NAA40: variants seen among roughly 807,000 people sequenced by gnomAD.
NAA40 encodes N-alpha-acetyltransferase 40, NatD catalytic subunit.
In NAA40, 26 loss-of-function variants were observed where a neutral mutation model predicts 36.6. The ratio of observed to expected loss-of-function variants is 0.71; its 90% CI spans 0.52 to 0.98. The LOEUF (loss-of-function observed/expected upper bound fraction) is 0.98. Among genes scored for constraint, NAA40 ranks in the 50% least tolerant of loss-of-function variants. The pLI is 0.00. For missense variants in NAA40, 237 were observed against 306.5 expected (o/e 0.77, Z 1.69); for synonymous variants, 129 against 108.4 (o/e 1.19, Z -1.18).
intron 3 of NAA40, among the ~76,000 whole-genome samples, chr11:63,948,965 G>T (rs1195720589): frequency 1.3e-5 from 2 of 152,070 alleles, no homozygotes; most frequent in Non-Finnish European, 2.9e-5. Flanking sequence ...AGGATCGTTT[G>T]TGCCCAGGAG....
intron 1 of NAA40, among the ~76,000 whole-genome samples, chr11:63,940,276 C>T (rs1454514617): frequency 6.6e-6 from 1 of 152,082 alleles, no homozygotes; most frequent in East Asian, 1.9e-4. Context: ...GTCTCGAACT[C>T]CTGACCTCGT....
chr11:63,944,035 T>A (rs1213469977), intron 1 of NAA40, among the ~76,000 whole-genome samples: 2 of 152,178 alleles, frequency 1.3e-5, no homozygotes, highest in Admixed American at 1.3e-4. Context: ...TCCACAGCGC[T>A]CAGCCATGAG....
At chr11:63,943,710 CA>C (rs1337684337) in intron 1 of NAA40, among the ~76,000 whole-genome samples, 2 of 152,040 alleles carry the variant, frequency 1.3e-5, no homozygotes, top group Non-Finnish European at 2.9e-5. Flanking sequence ...GTAATCCCAG[CA>C]CTTTGGGAGG....
intron 3 of NAA40, among the ~76,000 whole-genome samples, chr11:63,947,658 C>T (rs1278451754): frequency 3.3e-5 from 5 of 151,170 alleles, no homozygotes; most frequent in African/African-American, 1.2e-4. Context: ...TCAGCCGATT[C>T]TCCTGCCTCA....
chr11:63,943,272 C>G (rs1230360871), intron 1 of NAA40, among the ~76,000 whole-genome samples: 1 of 152,172 alleles, frequency 6.6e-6, no homozygotes, highest in Non-Finnish European at 1.5e-5. Flanking sequence ...CCCTGGACAC[C>G]TTCCATCCGA....
chr11:63,954,106 T>C, intron 7 of NAA40, 57 bp downstream of exon 7: 1 of 1,560,426 alleles, frequency 6.4e-7, no homozygotes, highest in Non-Finnish European at 8.8e-7. Flanking sequence ...CAGGGCCATT[T>C]TTCTGGTCCT....
At chr11:63,940,560 G>A (rs915974981) in intron 1 of NAA40, among the ~76,000 whole-genome samples, 13 of 152,230 alleles carry the variant, frequency 8.5e-5, no homozygotes, top group African/African-American at 3.1e-4. Flanking sequence ...GATAATGGAT[G>A]TAGATTGCTA....
chr11:63,955,180 A>G lies in NAA40; in HGVS notation c.*701A>G, dbSNP rs1351164042. ...CAATGAGGTGTTCTTGGGACCCGCCATGGGGATGATTGCTTCTCTAGGCTC... is the reference window on the plus strand; with the variant it reads ...CAATGAGGTGTTCTTGGGACCCGCCGTGGGGATGATTGCTTCTCTAGGCTC... On this transcript the variant is annotated 3_prime_UTR_variant, in exon 8 of 8. Coordinates refer to ENST00000377793, the MANE Select transcript of NAA40 (RefSeq NM_024771.4). The G allele has an allele frequency of 1.3e-5, 2 of 152,576 alleles. No individual in the cohort carries two copies. Among genetic ancestry groups the G allele is most frequent in the African/African-American group, 4.8e-5 (2 of 41,430 alleles). 9.5% of individuals were successfully genotyped at this position (152,576 alleles called of 1,614,324 possible). A position where few individuals can be genotyped will look rare whatever the true frequency, so the allele number is the denominator to read the frequency against.
chr11:63,947,300 G>T (rs113227051), intron 3 of NAA40, among the ~76,000 whole-genome samples: 2 of 151,964 alleles, frequency 1.3e-5, no homozygotes, highest in Non-Finnish European at 2.9e-5. Context: ...CCAGCTACTC[G>T]GGAGGCTGAG....
intron 3 of NAA40, 109 bp downstream of exon 3, chr11:63,947,112 TACGAAAAA>T (rs1942200598): frequency 1.6e-6 from 2 of 1,251,584 alleles, no homozygotes; most frequent in Non-Finnish European, 2.3e-6. Context: ...TCTTCGTATT[TACGAAAAA>T]ACAGGGCTGG....
chr11:63,941,673 C>T (rs777454149), intron 1 of NAA40, among the ~76,000 whole-genome samples: 25 of 152,092 alleles, frequency 1.6e-4, no homozygotes, highest in Non-Finnish European at 2.9e-4. Context: ...CTGCCTCAGC[C>T]TCCCGAGTAG....
At chr11:63,941,687 G>T (rs1223860247) in intron 1 of NAA40, among the ~76,000 whole-genome samples, 4 of 152,066 alleles carry the variant, frequency 2.6e-5, no homozygotes, top group African/African-American at 9.7e-5. Flanking sequence ...CGAGTAGCTG[G>T]AATTACAGGT....
At chr11:63,950,538 C>G (rs1942263487) in intron 3 of NAA40, among the ~76,000 whole-genome samples, 1 of 152,182 alleles carries the variant, frequency 6.6e-6, no homozygotes, top group Non-Finnish European at 1.5e-5. Flanking sequence ...TCTTGGCTCA[C>G]TGCAACCTCT....
At chr11:63,947,271 G>T (rs1942203125) in intron 3 of NAA40, among the ~76,000 whole-genome samples, 1 of 152,056 alleles carries the variant, frequency 6.6e-6, no homozygotes, top group South Asian at 2.1e-4. Context: ...AGCTGGCACG[G>T]TGGCGATCGC....
chr11:63,954,054 G>A lies in NAA40; in HGVS notation c.572+5G>A. 6.2e-7 allele frequency: 1 copy of A among 1,614,090 alleles called. No individual in the cohort carries two copies. Among genetic ancestry groups the A allele is most frequent in the Non-Finnish European group, 8.5e-7 (1 of 1,179,982 alleles). ...GTTCTTCAGAGAAGCGTTGCAGTAA[G>A]GAGCTGGGTGTGGGCCCTTCTGGGT... is the stretch of plus-strand genomic sequence containing the variant. On this transcript the variant is annotated splice_donor_5th_base_variant and intron_variant, in intron 7 of 7. Transcript: ENST00000377793.
At chr11:63,939,283 A>C in intron 1 of NAA40, 181 bp downstream of exon 1, 3 of 1,275,274 alleles carry the variant, frequency 2.4e-6, no homozygotes, top group East Asian at 3.4e-5. Flanking sequence ...TAGCCCGGGA[A>C]TCCTCTGGAG....
chr11:63,945,696 C>A, intron 1 of NAA40, 144 bp from the exon 2 acceptor site: 1 of 723,404 alleles, frequency 1.4e-6, no homozygotes, highest in Non-Finnish European at 2.4e-6. Flanking sequence ...CTTTCCGCCC[C>A]TCCAAATGTG....
chr11:63,947,634 T>G (rs1018142212), intron 3 of NAA40, among the ~76,000 whole-genome samples: 1 of 151,386 alleles, frequency 6.6e-6, no homozygotes, highest in Non-Finnish European at 1.5e-5. Context: ...CACTGCAACC[T>G]CCGCCTTCTG....
intron 3 of NAA40, among the ~76,000 whole-genome samples, chr11:63,948,228 G>A (rs927551592): frequency 6.6e-6 from 1 of 152,140 alleles, no homozygotes; most frequent in African/African-American, 2.4e-5. Context: ...AAATTATCTA[G>A]GCTGACACTC....
Sources: gnomAD v4.1 joint callset for allele counts (sites outside exome capture counted in the v4.1 genomes callset) on GRCh38, gnomAD v4.1.1 for gene constraint, MANE v1.5 for transcripts, NCBI Gene and HGNC (gene_info 2026-07-23, HGNC 2026-07-21) for gene names.